TRPM4: variants seen among roughly 807,000 people sequenced by gnomAD.
The protein encoded by TRPM4 is transient receptor potential cation channel subfamily M member 4.
In TRPM4, 124 loss-of-function variants were observed where a neutral mutation model predicts 135.6. The observed-to-expected ratio is 0.91, with a 90% CI of 0.79 to 1.06. The LOEUF is 1.06. TRPM4 is among the 50% of genes least tolerant of loss of function. The pLI is 0.00. For synonymous variants in TRPM4, 745 were observed against 705.6 expected (o/e 1.06, Z -0.88); for missense variants, 1,658 against 1,671.4 (o/e 0.99, Z 0.14).
In TRPM4 at chr19:49,196,622, C is replaced by G. The variant is rs1044779971; in HGVS notation, c.2393C>G (p.Ser798Trp). The stretch of plus-strand genomic sequence containing the variant: ...TACCTGCTGTTCCTGCTGCTTTTCT[C>G]GCGGGTGCTGCTCGTGGATTTCCAG... ...VSYLLFLLLF[S>W]RVLLVDFQPA... Residue 798 changes from serine to tryptophan, a missense_variant, in exon 17 of 25, where the codon TCG becomes TGG. Ser to Trp is a radical substitution (Grantham distance 177, BLOSUM62 -3). Around this residue, in one of 3 missense-constraint regions of TRPM4, gnomAD observed 1,412 missense variants for 1,408.7 expected, o/e 1.00. Transcript: ENST00000252826. 2.6e-6 allele frequency: 4 copies of G among 1,553,214 alleles called. No homozygotes were observed. In the African/African-American group the frequency reaches 5.4e-5, roughly 21 times the overall value.
intron 17 of TRPM4, among the ~76,000 whole-genome samples, chr19:49,198,673 G>T (rs1968793251): frequency 1.4e-5 from 2 of 147,180 alleles, no homozygotes; most frequent in Non-Finnish European, 3.0e-5. Context: ...AAAAAAGGGA[G>T]AAATGTCTAA....
intron 16 of TRPM4, among the ~76,000 whole-genome samples, chr19:49,192,747 G>A (rs753865674): frequency 8.6e-5 from 13 of 152,028 alleles, no homozygotes; most frequent in Non-Finnish European, 1.9e-4. Context: ...ATACCTGGGT[G>A]ATGGAATAAT....
Position 49,196,428 on chromosome 19 carries a change from C to T in TRPM4, c.2211-12C>T, listed in dbSNP as rs1968637094. 1 of 1,531,398 alleles carries T rather than the reference C, an allele frequency of 6.5e-7. No individual in the cohort carries two copies. Among genetic ancestry groups the T allele is most frequent in the South Asian group, 1.2e-5 (1 of 80,608 alleles). The allele number at this position is 1,531,398 out of a possible 1,614,324, so 94.9% of individuals were successfully genotyped here. A position where few individuals can be genotyped will look rare whatever the true frequency, so the allele number is the denominator to read the frequency against. ...AGTGAGGCCTCCTCCCTTCTCTTCT[C>T]TTCCCCCACAGGACGGCGGACCCAG... On this transcript the variant is annotated splice_polypyrimidine_tract_variant and intron_variant, in intron 16 of 24. Coordinates refer to ENST00000252826, the MANE Select transcript of TRPM4 (RefSeq NM_017636.4).
Position 49,210,141 on chromosome 19 carries a change from T to C in TRPM4, c.3132-68T>C, listed in dbSNP as rs1375498313. ...TAGACTGAACAATTATTGCCTGGCATCTAACCTTCGTCCTTGCCCCTGGCT... is the reference window on the plus strand; with the variant it reads ...TAGACTGAACAATTATTGCCTGGCACCTAACCTTCGTCCTTGCCCCTGGCT... On this transcript the variant is annotated intron_variant, in intron 20 of 24. Coordinates refer to ENST00000252826, the MANE Select transcript of TRPM4 (RefSeq NM_017636.4). The surrounding 1 kb of genome is among the most constrained non-coding windows in gnomAD (Gnocchi z 4.1). The C allele has an allele frequency of 6.7e-7, 1 of 1,498,950 alleles. No homozygotes were observed. Among genetic ancestry groups the C allele is most frequent in the Non-Finnish European group, 9.3e-7 (1 of 1,074,972 alleles). 92.9% of individuals were successfully genotyped at this position (1,498,950 alleles called of 1,614,324 possible).
At chr19:49,189,281 A>G (rs1968321195) in intron 14 of TRPM4, among the ~76,000 whole-genome samples, 190 bp downstream of exon 14, 1 of 152,128 alleles carries the variant, frequency 6.6e-6, no homozygotes, top group African/African-American at 2.4e-5. Flanking sequence ...CTTCCACCAA[A>G]AGCCAACCTT....
rs1946322069 is a variant in TRPM4, at chr19:49,211,671, C to T, written c.*173C>T. On this transcript the variant is annotated 3_prime_UTR_variant, in exon 25 of 25. Transcript: ENST00000252826. This position sits in a 1 kb window ranked among gnomAD's most constrained non-coding sequence, Gnocchi z 4.8. ...GGAGTGTCATCCTTACAAACCACAGCATGCCCGGCTCCTCCCAGAACCAGT... is the reference window on the plus strand; with the variant it reads ...GGAGTGTCATCCTTACAAACCACAGTATGCCCGGCTCCTCCCAGAACCAGT... 1.2e-6 allele frequency: 1 copy of T among 833,098 alleles called. No homozygotes were observed. Among genetic ancestry groups the T allele is most frequent in the Admixed American group, 1.9e-5 (1 of 52,830 alleles). The allele number at this position is 833,098 out of a possible 1,614,324, so 51.6% of individuals were successfully genotyped here.
rs994770633 is a variant in TRPM4, at chr19:49,189,472, C to A, written c.2019+381C>A. The stretch of plus-strand genomic sequence containing the variant: ...AGTCCTACGGCATCCACAGGAAGTC[C>A]TTTCCACTTCCTTTAGAGGTCCCTA... On this transcript the variant is annotated intron_variant, in intron 14 of 24. Coordinates refer to ENST00000252826, the MANE Select transcript of TRPM4 (RefSeq NM_017636.4). Among the ~76,000 whole-genome samples, 114 of 151,682 alleles carry A rather than the reference C, an allele frequency of 7.5e-4. 1 individual carries two copies. The highest frequency in any genetic ancestry group is 2.8e-3 in the African/African-American group (113 of 41,042).
chr19:49,194,024 CCTCCTG>C (rs1350541688), intron 16 of TRPM4, among the ~76,000 whole-genome samples: 4 of 147,742 alleles, frequency 2.7e-5, no homozygotes, highest in African/African-American at 1.1e-4. Flanking sequence ...TCCTCATCCT[CCTCCTG>C]CTCCTGCTCC....
intron 10 of TRPM4, 102 bp downstream of exon 10, chr19:49,181,563 ACT>A: frequency 1.3e-6 from 1 of 759,402 alleles, no homozygotes; most frequent in Non-Finnish European, 2.0e-6. Flanking sequence ...ACGGAGTCTC[ACT>A]CTGTCACCCA....
chr19:49,181,380 G>A lies in TRPM4; in HGVS notation c.1182G>A (p.Leu394=). Reference sequence around the variant, plus strand: ...GGAGCTCGGAGGCCTCAGCCTACCTGGATGAGCTGCGTTTGGCTGTGGCTT... The same window carrying A: ...GGAGCTCGGAGGCCTCAGCCTACCTAGATGAGCTGCGTTTGGCTGTGGCTT... The part of the protein sequence containing the change: ...ACGSSEASAY[L]DELRLAVAWN... The change falls in exon 10 of 25, where the codon CTG becomes CTA. Residue 394 remains leucine, a synonymous_variant. Coordinates refer to ENST00000252826, the MANE Select transcript of TRPM4 (RefSeq NM_017636.4). 6.2e-7 allele frequency: 1 copy of A among 1,613,910 alleles called. No homozygotes were observed. The highest frequency in any genetic ancestry group is 2.2e-5 in the East Asian group (1 of 44,860).
chr19:49,157,792 G>A lies in TRPM4; in HGVS notation c.-75G>A. The A allele has an allele frequency of 2.5e-5, 38 of 1,528,372 alleles. No individual in the cohort carries two copies. The highest frequency in any genetic ancestry group is 3.3e-5 in the Non-Finnish European group (38 of 1,141,788). The allele number at this position is 1,528,372 out of a possible 1,614,324, so 94.7% of individuals were successfully genotyped here. On this transcript the variant is annotated 5_prime_UTR_variant, in exon 1 of 25. Transcript: ENST00000252826. ...AAGTGGAGGATCCGGTTTGCTCTGG[G>A]CGGGTCTGGAAGCAGAGCCGGCGGA...
chr19:49,174,620 G>T (rs2122860127), intron 9 of TRPM4, among the ~76,000 whole-genome samples: 1 of 152,074 alleles, frequency 6.6e-6, no homozygotes, highest in Middle Eastern at 3.4e-3. Flanking sequence ...TAATAAGTTG[G>T]GGAGGGTGGC....
At chr19:49,163,437 G>A (rs780758834) in intron 2 of TRPM4, among the ~76,000 whole-genome samples, 2 of 151,480 alleles carry the variant, frequency 1.3e-5, no homozygotes, top group Non-Finnish European at 1.5e-5. Flanking sequence ...CTCATGATCC[G>A]CCCGCCTTGG....
intron 2 of TRPM4, 60 bp from the exon 3 acceptor site, chr19:49,165,981 T>C: frequency 6.6e-7 from 1 of 1,516,114 alleles, no homozygotes; most frequent in Non-Finnish European, 8.9e-7. Flanking sequence ...ATGAACACGC[T>C]GACAGGGTGC....
Position 49,168,009 on chromosome 19 carries a change from A to C in TRPM4, c.360A>C (p.Ser120=). ...WGFRAPNLVV[S]VLGGSGGPVL... ...TCCGTGCCCCGAACCTGGTGGTGTCAGTGCTGGGGGGATCGGGGGGCCCCG... is the reference window on the plus strand; with the variant it reads ...TCCGTGCCCCGAACCTGGTGGTGTCCGTGCTGGGGGGATCGGGGGGCCCCG... Residue 120 remains serine, a synonymous_variant, in exon 4 of 25, where the codon TCA becomes TCC. Coordinates refer to ENST00000252826, the MANE Select transcript of TRPM4 (RefSeq NM_017636.4). 1 of 1,613,758 alleles carries C rather than the reference A, an allele frequency of 6.2e-7. No homozygotes were observed. Among genetic ancestry groups the C allele is most frequent in the Non-Finnish European group, 8.5e-7 (1 of 1,179,954 alleles).
At chr19:49,159,842 G>C (rs1017218580) in intron 2 of TRPM4, 1 of 152,204 alleles carries the variant, frequency 6.6e-6, no homozygotes, top group African/African-American at 2.4e-5. Flanking sequence ...TCCTACTTCA[G>C]TGTGTATTTT....
chr19:49,162,080 G>C (rs185143275), intron 2 of TRPM4, among the ~76,000 whole-genome samples: 14 of 152,318 alleles, frequency 9.2e-5, no homozygotes, highest in South Asian at 4.1e-4. Context: ...TGAAGCAGCC[G>C]GGGCGGGGAG....
intron 6 of TRPM4, among the ~76,000 whole-genome samples, chr19:49,170,332 G>T (rs1056781334): frequency 6.6e-6 from 1 of 152,036 alleles, no homozygotes; most frequent in African/African-American, 2.4e-5. Flanking sequence ...GGGACTATAG[G>T]CACGAGCCAC....
intron 9 of TRPM4, among the ~76,000 whole-genome samples, chr19:49,174,265 GC>G (rs1272297390): frequency 2.6e-5 from 4 of 152,128 alleles, no homozygotes; most frequent in African/African-American, 4.8e-5. Flanking sequence ...CGATTCTCCT[GC>G]CTCACCCTCC....
Sources: allele counts gnomAD v4.1 joint callset (sites outside exome capture counted in the v4.1 genomes callset), GRCh38; gene constraint gnomAD v4.1.1; regional missense constraint gnomAD v4.1.1; non-coding constraint Gnocchi (gnomAD v3.1); transcripts MANE v1.5; gene names NCBI Gene and HGNC (gene_info 2026-07-23, HGNC 2026-07-21).